The following ENTREP2 variants were observed in gnomAD, a reference collection of about 807,000 sequenced individuals.
ENTREP2 encodes the protein protein ENTREP2.
chr15:29,541,430 T>G, the ENTREP2 span, among the ~76,000 whole-genome samples: 4 of 151,950 alleles, frequency 2.6e-5, no homozygotes, highest in African/African-American at 9.7e-5. Context: ...GAATTTAATT[T>G]CAGATAGTGA....
chr15:29,654,720 G>A, the ENTREP2 span, among the ~76,000 whole-genome samples: 1 of 151,960 alleles, frequency 6.6e-6, no homozygotes, highest in Non-Finnish European at 1.5e-5. Context: ...TTGCACTCTA[G>A]GCTAAAAAAA....
the ENTREP2 span, among the ~76,000 whole-genome samples, chr15:29,155,842 A>T: frequency 6.6e-6 from 1 of 152,002 alleles, no homozygotes; most frequent in Admixed American, 6.6e-5. Flanking sequence ...TTCAGGCAGG[A>T]GGTTAAATCC....
chr15:29,636,340 C>T, the ENTREP2 span, among the ~76,000 whole-genome samples: 8 of 152,160 alleles, frequency 5.3e-5, no homozygotes, highest in Non-Finnish European at 8.8e-5. Context: ...TGTGCTTGTG[C>T]GTACAGTTGG....
the ENTREP2 span, among the ~76,000 whole-genome samples, chr15:29,373,048 T>C: frequency 6.6e-6 from 1 of 152,006 alleles, no homozygotes; most frequent in Non-Finnish European, 1.5e-5. Flanking sequence ...GAGAGATCTT[T>C]TACAGTGTAT....
the ENTREP2 span, among the ~76,000 whole-genome samples, chr15:29,660,950 TCTGG>T: frequency 6.6e-6 from 1 of 152,262 alleles, no homozygotes. Context: ...TTGGGTATCC[TCTGG>T]CAGTCCTGGA....
At chr15:29,552,078 T>C in the ENTREP2 span, among the ~76,000 whole-genome samples, 1 of 152,184 alleles carries the variant, frequency 6.6e-6, no homozygotes, top group Non-Finnish European at 1.5e-5. Flanking sequence ...TTGGACAGCA[T>C]GGAGTGGGAA....
the ENTREP2 span, chr15:29,151,944 TC>T: frequency 1.2e-6 from 1 of 837,902 alleles, no homozygotes; most frequent in Non-Finnish European, 2.0e-6. Flanking sequence ...TCGATGACCA[TC>T]CACTTCATGG....
chr15:29,670,825 G>A, the ENTREP2 span, among the ~76,000 whole-genome samples: 2 of 152,220 alleles, frequency 1.3e-5, no homozygotes, highest in African/African-American at 4.8e-5. Flanking sequence ...AAGAAACATA[G>A]ATTTGGTCCT....
At chr15:29,377,129 A>AC in the ENTREP2 span, among the ~76,000 whole-genome samples, 3 of 151,762 alleles carry the variant, frequency 2.0e-5, no homozygotes, top group African/African-American at 7.3e-5. Flanking sequence ...AGAAAAAAAA[A>AC]CAAATCATTA....
chr15:29,574,085 G>A, the ENTREP2 span, among the ~76,000 whole-genome samples: 1 of 152,052 alleles, frequency 6.6e-6, no homozygotes, highest in Non-Finnish European at 1.5e-5. Context: ...GAGGGTGCTG[G>A]CCTGAGCTTA....
the ENTREP2 span, among the ~76,000 whole-genome samples, chr15:29,274,721 C>T: frequency 3.3e-5 from 5 of 152,138 alleles, no homozygotes; most frequent in East Asian, 1.9e-4. Flanking sequence ...CCTCCACCCT[C>T]GAAGGGCCCC....
chr15:29,357,772 G>A, the ENTREP2 span, among the ~76,000 whole-genome samples: 11 of 151,912 alleles, frequency 7.2e-5, no homozygotes, highest in Non-Finnish European at 1.5e-4. Context: ...CCGGGAGGCG[G>A]AGCTTGCAGT....
At chr15:29,662,141 G>A in the ENTREP2 span, among the ~76,000 whole-genome samples, 1 of 150,206 alleles carries the variant, frequency 6.7e-6, no homozygotes, top group Non-Finnish European at 1.5e-5. Context: ...AGCCCAGGAG[G>A]TGGAGGTTGT....
chr15:29,511,336 TTTC>T, the ENTREP2 span, among the ~76,000 whole-genome samples: 2 of 114,566 alleles, frequency 1.7e-5, no homozygotes, highest in African/African-American at 3.7e-5. Flanking sequence ...CTTCTTCTTT[TTTC>T]TTTTCTTTTT....
the ENTREP2 span, among the ~76,000 whole-genome samples, chr15:29,500,015 T>C: frequency 6.6e-6 from 1 of 152,050 alleles, no homozygotes; most frequent in Non-Finnish European, 1.5e-5. Flanking sequence ...CAGCACAATA[T>C]ACACTAATAA....
the ENTREP2 span, among the ~76,000 whole-genome samples, chr15:29,300,151 A>AATGGATGGATGG: frequency 1.6e-5 from 2 of 128,048 alleles, no homozygotes; most frequent in African/African-American, 6.0e-5. Context: ...ATGGATGGAT[A>AATGGATGGATGG]ATGGATGGAT....
chr15:29,606,327 TG>T, the ENTREP2 span, among the ~76,000 whole-genome samples: 5,193 of 151,112 alleles, frequency 0.034, 307 homozygotes, highest in African/African-American at 0.12. Context: ...CTCCACCTCC[TG>T]GGTTCAAGTG....
chr15:29,332,687 G>A, the ENTREP2 span, among the ~76,000 whole-genome samples: 94 of 152,164 alleles, frequency 6.2e-4, no homozygotes, highest in Admixed American at 2.5e-3. Flanking sequence ...GAGCCGGGTG[G>A]GGTGGCTCAT....
the ENTREP2 span, among the ~76,000 whole-genome samples, chr15:29,553,921 C>T: frequency 2.0e-5 from 3 of 152,170 alleles, no homozygotes; most frequent in African/African-American, 7.2e-5. Flanking sequence ...TTCCAAATTC[C>T]TCACCAACAA....
Sources: allele counts gnomAD v4.1 joint callset (sites outside exome capture counted in the v4.1 genomes callset), GRCh38; gene constraint gnomAD v4.1.1; transcripts MANE v1.5; gene names NCBI Gene and HGNC (gene_info 2026-07-23, HGNC 2026-07-21).